Variants in TBCCD1 observed in about 807,000 individuals in gnomAD.
TBCCD1 encodes TBCC domain containing 1.
Under a neutral mutation model 53.4 loss-of-function variants are expected in TBCCD1, and 26 were observed. The ratio of observed to expected loss-of-function variants is 0.49; its 90% CI spans 0.36 to 0.68. The LOEUF is 0.68. Among genes scored for constraint, TBCCD1 ranks in the 30% least tolerant of loss-of-function variants. The pLI, the probability that TBCCD1 is intolerant of heterozygous loss-of-function variation, is 0.00. For synonymous variants in TBCCD1, 245 were observed against 241.7 expected, an observed-to-expected ratio of 1.01 and a Z score of -0.13; for missense variants, 558 against 669.5, an observed-to-expected ratio of 0.83 and a Z score of 1.84.
At chr3:186,568,746 C>T (rs1298059598), upstream of TBCCD1, among the ~76,000 whole-genome samples, 1 of 151,670 alleles carries the variant, frequency 6.6e-6, no homozygotes, top group East Asian at 1.9e-4. Flanking sequence ...ACTAAAAATA[C>T]AAAAAAATTA....
At chr3:186,564,697 A>C (rs987523105) in intron 1 of TBCCD1, among the ~76,000 whole-genome samples, 1 of 152,250 alleles carries the variant, frequency 6.6e-6, no homozygotes, top group African/African-American at 2.4e-5. Flanking sequence ...TATCACAGGA[A>C]ACCTTTTTCT....
At chr3:186,567,180 G>C (rs1477740958) in intron 1 of TBCCD1, 87 bp downstream of exon 1, 1 of 152,400 alleles carries the variant, frequency 6.6e-6, no homozygotes, top group African/African-American at 2.4e-5. Context: ...CCCGAGACGC[G>C]GTAAGCGCGA....
In TBCCD1 at chr3:186,556,409, C is replaced by A. The variant is rs1479124562; in HGVS notation, c.859G>T (p.Val287Phe). 5 of 1,577,646 alleles carry A rather than the reference C, an allele frequency of 3.2e-6. No individual in the cohort carries two copies. The East Asian group carries it at 1.1e-4, about 35-fold the overall frequency. Residue 287 changes from valine (V) to phenylalanine (F), a missense_variant and splice_region_variant, in exon 4 of 8, where the codon GTT becomes TTT. Physicochemically the swap from Val to Phe is conservative, Grantham distance 50 (BLOSUM62 -1). Transcript: ENST00000338733. Reference protein sequence around the residue: ...SGKKLAWAHQVEGTTKRAKIA... With the variant: ...SGKKLAWAHQFEGTTKRAKIA... ...TGTAGATTAAAATATTAAAAAATAC[C>A]TTGATGAGCCCAAGCCAATTTCTTT...
intron 7 of TBCCD1, among the ~76,000 whole-genome samples, chr3:186,547,429 AT>A: frequency 6.6e-6 from 1 of 150,490 alleles, no homozygotes; most frequent in African/African-American, 2.4e-5. Flanking sequence ...CTAATTTTTA[AT>A]TTTTTTGTAG....
intron 1 of TBCCD1, among the ~76,000 whole-genome samples, chr3:186,566,566 G>A (rs1176590625): frequency 6.6e-6 from 1 of 152,170 alleles, no homozygotes; most frequent in African/African-American, 2.4e-5. Context: ...TACTTAGCTG[G>A]CACAGCTCTA....
chr3:186,569,566 G>A (rs554704561), upstream of TBCCD1, among the ~76,000 whole-genome samples: 2 of 151,214 alleles, frequency 1.3e-5, no homozygotes, highest in Admixed American at 1.3e-4. Context: ...TGCTCCGCCC[G>A]TCTCGGCCTC....
At position 186,554,928 on chromosome 3, in the gene TBCCD1, T is replaced by C. The variant is rs376119106; in HGVS notation, c.1016A>G (p.Glu339Gly). ...GGGAGAGAGCAGATATATAAAAGAT[T>C]CGTTGCAACGATGAATCTTTACATG... The part of the protein sequence containing the change: ...GAHVKIHRCN[E>G]SFIYLLSPLR... The change falls in exon 5 of 8, where the codon GAA becomes GGA. Residue 339 changes from glutamate (E) to glycine (G), a missense_variant. By Grantham distance (98) the Glu-to-Gly change is moderately conservative. Coordinates refer to ENST00000338733, the MANE Select transcript of TBCCD1 (RefSeq NM_018138.5). 3.2e-5 allele frequency: 52 copies of C among 1,613,578 alleles called. No homozygotes were observed. Among genetic ancestry groups the C allele is most frequent in the Non-Finnish European group, 4.2e-5 (50 of 1,180,036 alleles).
At chr3:186,569,308 T>TATTTATTTA (rs1553849534), upstream of TBCCD1, among the ~76,000 whole-genome samples, 1 of 150,446 alleles carries the variant, frequency 6.6e-6, no homozygotes, top group African/African-American at 2.5e-5. Context: ...GACTTTTATT[T>TATTTATTTA]TTTATTTATT....
At position 186,556,672 on chromosome 3, in the gene TBCCD1, G is replaced by A; in HGVS notation, c.596C>T (p.Thr199Ile). 1.2e-6 allele frequency: 2 copies of A among 1,614,134 alleles called. No homozygotes were observed. Among genetic ancestry groups the A allele is most frequent in the Non-Finnish European group, 1.7e-6 (2 of 1,180,038 alleles). ...TTCTCGAGACACTAGACTACTATGG[G>A]TTGAATGAAATGATGCAGTGAGTTG... ...PKQLTASFHS[T>I]HSSLVSREAV... The change falls in exon 4 of 8, where the codon ACC (threonine) becomes ATC (isoleucine). Residue 199 changes from threonine (T) to isoleucine (I), a missense_variant. Transcript: ENST00000338733.
rs1026483918 is a variant in TBCCD1, at chr3:186,551,071, T to A, written c.*21+58A>T. 34 of 1,557,058 alleles carry A rather than the reference T, an allele frequency of 2.2e-5. No homozygotes were observed. The Middle Eastern group carries it at 7.2e-4, about 33-fold the overall frequency. On this transcript the variant is annotated intron_variant, in intron 7 of 7. Transcript: ENST00000338733. ...TTAGTATATAATATTCTGTGCCTTT[T>A]TTTTATGCTTGAAAGATTTCCCCAA...
At chr3:186,558,235 C>G (rs1714595436) in intron 3 of TBCCD1, among the ~76,000 whole-genome samples, 182 bp downstream of exon 3, 2 of 152,020 alleles carry the variant, frequency 1.3e-5, no homozygotes, top group Non-Finnish European at 2.9e-5. Context: ...AACCAGTTCT[C>G]TATTGTGATT....
At position 186,556,672 on chromosome 3, in the gene TBCCD1, G is replaced by C; in HGVS notation, c.596C>G (p.Thr199Ser). 6.2e-7 allele frequency: 1 copy of C among 1,614,134 alleles called. No individual in the cohort carries two copies. Among genetic ancestry groups the C allele is most frequent in the Non-Finnish European group, 8.5e-7 (1 of 1,180,038 alleles). The stretch of plus-strand genomic sequence containing the variant: ...TTCTCGAGACACTAGACTACTATGG[G>C]TTGAATGAAATGATGCAGTGAGTTG... ...PKQLTASFHS[T>S]HSSLVSREAV... Residue 199 changes from threonine to serine, a missense_variant, in exon 4 of 8, where the codon ACC (threonine) becomes AGC (serine). Coordinates refer to ENST00000338733, the MANE Select transcript of TBCCD1 (RefSeq NM_018138.5).
upstream of TBCCD1, among the ~76,000 whole-genome samples, chr3:186,568,920 A>AG (rs1553849476): frequency 0.019 from 2,862 of 149,446 alleles, 105 homozygotes; most frequent in African/African-American, 0.067. Context: ...AAAAAGAAAT[A>AG]AAGAAAAGAA....
At chr3:186,550,518 G>A (rs905038378) in intron 7 of TBCCD1, among the ~76,000 whole-genome samples, 14 of 151,740 alleles carry the variant, frequency 9.2e-5, no homozygotes, top group African/African-American at 2.7e-4. Context: ...CCCAGGAGGC[G>A]GAAGCTGCAG....
rs747118513 is a variant in TBCCD1 at position 186,554,754 on chromosome 3, GA to G, written c.1047-4del. 2.5e-6 allele frequency: 4 copies of G among 1,600,152 alleles called. No homozygotes were observed. Among genetic ancestry groups the G allele is most frequent in the Admixed American group, 3.6e-5 (2 of 55,550 alleles). On this transcript the variant is annotated splice_region_variant and splice_polypyrimidine_tract_variant and intron_variant, in intron 5 of 7. Coordinates refer to ENST00000338733, the MANE Select transcript of TBCCD1 (RefSeq NM_018138.5). ...TGCACTTCTCAATTGTCACAGATCTGAAAAAAGGAAAAAATGAGGTAAAGTC... is the reference window on the plus strand; with the variant it reads ...TGCACTTCTCAATTGTCACAGATCTGAAAAAGGAAAAAATGAGGTAAAGTC...
upstream of TBCCD1, chr3:186,570,460 C>G: frequency 2.1e-6 from 1 of 480,692 alleles, no homozygotes; most frequent in Non-Finnish European, 3.6e-6. Context: ...TCACTCTGAC[C>G]GGCCCCCTAT....
Position 186,563,990 on chromosome 3 carries a change from G to T in TBCCD1, c.336+4C>A, listed in dbSNP as rs1021237012. 1 of 1,602,266 alleles carries T rather than the reference G, an allele frequency of 6.2e-7. No individual in the cohort carries two copies. ...ATTAAGTATACACACATATCAATCC[G>T]TACCTGATTTCTCTGCTTTTCAACT... On this transcript the variant is annotated splice_donor_region_variant and intron_variant, in intron 2 of 7. Coordinates refer to ENST00000338733, the MANE Select transcript of TBCCD1 (RefSeq NM_018138.5).
chr3:186,547,365 C>T (rs1039890943), intron 7 of TBCCD1, among the ~76,000 whole-genome samples: 1 of 151,726 alleles, frequency 6.6e-6, no homozygotes, highest in African/African-American at 2.4e-5. Context: ...TCAAGAGATC[C>T]TCCAGTCTGT....
In TBCCD1 at chr3:186,554,561, T is replaced by G; in HGVS notation, c.1237A>C (p.Thr413Pro). ...TRPLILSGNQ[T>P]VTFAPFHTHY... ...GTATGAAAAGGGGCAAAAGTTACTG[T>G]CTGGTTCCCAGAGAGAATAAGTGGG... Residue 413 changes from threonine (T) to proline (P), a missense_variant, in exon 6 of 8, where the codon ACA becomes CCA. Transcript: ENST00000338733. The G allele has an allele frequency of 6.2e-7, 1 of 1,614,230 alleles. No individual in the cohort carries two copies. The highest frequency in any genetic ancestry group is 8.5e-7 in the Non-Finnish European group (1 of 1,180,036).
Sources: gnomAD v4.1 joint callset for allele counts (sites outside exome capture counted in the v4.1 genomes callset) on GRCh38, gnomAD v4.1.1 for gene constraint, MANE v1.5 for transcripts, NCBI Gene and HGNC (gene_info 2026-07-23, HGNC 2026-07-21) for gene names.